PRKG1: variants seen among roughly 807,000 people sequenced by gnomAD.
The protein encoded by PRKG1 is cGMP-dependent protein kinase 1.
A neutral mutation model predicts 88.1 loss-of-function variants in PRKG1; 35 were observed. The ratio of observed to expected loss-of-function variants is 0.40; its 90% confidence interval spans 0.30 to 0.53. The LOEUF (loss-of-function observed/expected upper bound fraction) is 0.53. PRKG1 is among the 20% of genes least tolerant of loss of function. The probability of loss-of-function intolerance (pLI) is 0.59; values close to 1 mark genes in which losing one functional copy is unlikely to be tolerated. For synonymous variants in PRKG1, 303 were observed against 292.5 expected (o/e 1.04, Z -0.37); for missense variants, 540 against 839.8 (o/e 0.64, Z 4.41).
chr10:52,149,466 G>A (rs1028399432), intron 8 of PRKG1, among the ~76,000 whole-genome samples: 5 of 152,036 alleles, frequency 3.3e-5, no homozygotes, highest in Admixed American at 2.0e-4. Flanking sequence ...TTGAGACAGG[G>A]CCTTTCAAAA....
chr10:51,284,827 T>C (rs1840391619), intron 2 of PRKG1, among the ~76,000 whole-genome samples: 2 of 151,148 alleles, frequency 1.3e-5, no homozygotes, highest in African/African-American at 2.4e-5. Flanking sequence ...AATAATGCCT[T>C]ATATTGTGTT....
Position 51,103,144 on chromosome 10 carries a change from A to T in PRKG1, c.311+28243A>T, listed in dbSNP as rs74399468. ...CTAAATATTCAAAAGTAAAAAAAAA[A>T]TAGTTAGAAAATGAGAGTGTTCATC... On this transcript the variant is annotated intron_variant, in intron 1 of 17. Transcript: ENST00000373980. Among the ~76,000 whole-genome samples the T allele has an allele frequency of 5.2e-4, 79 of 151,542 alleles. No homozygotes were observed. In the South Asian group the frequency reaches 6.6e-3, roughly 13 times the overall value.
At chr10:51,602,209 A>G (rs915682313) in intron 3 of PRKG1, among the ~76,000 whole-genome samples, 2 of 152,172 alleles carry the variant, frequency 1.3e-5, no homozygotes, top group African/African-American at 4.8e-5. Context: ...GAACAACCCT[A>G]GGTTTCTACG....
At chr10:51,061,185 A>G (rs1843688765) in intron 1 of PRKG1, among the ~76,000 whole-genome samples, 1 of 152,086 alleles carries the variant, frequency 6.6e-6, no homozygotes. Context: ...ACATGGGTGG[A>G]GAGGCCTCAC....
rs1589244776 is a variant in PRKG1 at position 51,208,133 on chromosome 10, T to G, written c.478+54803T>G. Among the ~76,000 whole-genome samples the G allele has an allele frequency of 2.0e-5, 3 of 152,336 alleles. No individual in the cohort carries two copies. The South Asian group carries it at 6.2e-4, about 32-fold the overall frequency. ...AAAATAGTTTAAATGTATGTTATTG[T>G]TTCTTCCACTAAAGAAGTAGAAGGT... On this transcript the variant is annotated intron_variant, in intron 2 of 17. Transcript: ENST00000373980.
At chr10:51,660,238 T>G (rs1206675047) in intron 3 of PRKG1, among the ~76,000 whole-genome samples, 1 of 151,760 alleles carries the variant, frequency 6.6e-6, no homozygotes, top group Non-Finnish European at 1.5e-5. Context: ...ATAATCATTA[T>G]CAGAATCATG....
At chr10:51,147,112 A>G (rs1214976586) in intron 1 of PRKG1, among the ~76,000 whole-genome samples, 1 of 152,178 alleles carries the variant, frequency 6.6e-6, no homozygotes, top group African/African-American at 2.4e-5. Flanking sequence ...GAGCAGGATT[A>G]TAGTTATTAG....
At chr10:51,108,764 T>C (rs1286999733) in intron 1 of PRKG1, among the ~76,000 whole-genome samples, 1 of 152,166 alleles carries the variant, frequency 6.6e-6, no homozygotes, top group East Asian at 1.9e-4. Flanking sequence ...TACTGGAGCT[T>C]CTAGCTAATG....
At chr10:51,677,306 G>C (rs1289421668) in intron 3 of PRKG1, among the ~76,000 whole-genome samples, 1 of 152,030 alleles carries the variant, frequency 6.6e-6, no homozygotes, top group African/African-American at 2.4e-5. Flanking sequence ...TATTGTTATG[G>C]ACACTTTTGT....
At chr10:51,906,700 A>G (rs1488954792) in intron 4 of PRKG1, among the ~76,000 whole-genome samples, 1 of 152,192 alleles carries the variant, frequency 6.6e-6, no homozygotes, top group Non-Finnish European at 1.5e-5. Flanking sequence ...ATCAGACATA[A>G]AAAGATGCCA....
chr10:51,400,193 A>G (rs1837698611), intron 2 of PRKG1, among the ~76,000 whole-genome samples: 1 of 152,220 alleles, frequency 6.6e-6, no homozygotes. Context: ...CAGACAACGT[A>G]TTTTCTCTTA....
At chr10:51,304,259 C>T (rs566446594) in intron 2 of PRKG1, among the ~76,000 whole-genome samples, 87 of 151,780 alleles carry the variant, frequency 5.7e-4, no homozygotes, top group African/African-American at 1.8e-3. Flanking sequence ...AGAAAAGATG[C>T]GTAGAGATAC....
intron 3 of PRKG1, among the ~76,000 whole-genome samples, chr10:51,525,327 C>T (rs1377875215): frequency 6.6e-6 from 1 of 152,128 alleles, no homozygotes; most frequent in Non-Finnish European, 1.5e-5. Context: ...AGAACAAGAA[C>T]GTGTTTATTT....
intron 7 of PRKG1, among the ~76,000 whole-genome samples, chr10:52,119,075 A>G (rs958286415): frequency 1.8e-4 from 28 of 152,124 alleles, no homozygotes; most frequent in South Asian, 4.1e-4. Context: ...TCACCTATAT[A>G]AAGTATTATT....
chr10:52,295,799 A>G lies in PRKG1; in HGVS notation c.*1899A>G, dbSNP rs146643393. ...CTACCTTAGAATATGGTATCTTATG[A>G]AAATATAATATTCTTAAAATTTTGG... On this transcript the variant is annotated 3_prime_UTR_variant, in exon 18 of 18. Transcript: ENST00000373980. 2.0e-5 allele frequency: 3 copies of G among 152,016 alleles called. No individual in the cohort carries two copies. The highest frequency in any genetic ancestry group is 2.0e-4 in the Admixed American group (3 of 15,244). 9.4% of individuals were successfully genotyped at this position (152,016 alleles called of 1,614,324 possible).
chr10:51,557,972 A>C (rs1317216224), intron 3 of PRKG1, among the ~76,000 whole-genome samples: 3 of 152,088 alleles, frequency 2.0e-5, no homozygotes, highest in Admixed American at 1.3e-4. Flanking sequence ...TTCAATTTCC[A>C]ATCAAGGTTT....
At chr10:51,550,138 A>G (rs10823172) in intron 3 of PRKG1, among the ~76,000 whole-genome samples, 122,972 of 151,964 alleles carry the variant, frequency 0.81, 50,366 homozygotes, top group East Asian at 0.98. Flanking sequence ...TAGGAACTAC[A>G]GGAACCTAAA....
intron 2 of PRKG1, among the ~76,000 whole-genome samples, chr10:51,434,431 T>C (rs1002407872): frequency 1.3e-5 from 2 of 152,072 alleles, no homozygotes; most frequent in Non-Finnish European, 2.9e-5. Flanking sequence ...TGGAAATTGT[T>C]CCAGGTTAAG....
intron 7 of PRKG1, among the ~76,000 whole-genome samples, chr10:52,069,489 C>T (rs755452927): frequency 9.2e-5 from 14 of 152,102 alleles, no homozygotes; most frequent in Non-Finnish European, 1.9e-4. Context: ...GAGATCACAC[C>T]ACTCTCCTCC....
Sources: gnomAD v4.1 joint callset for allele counts (sites outside exome capture counted in the v4.1 genomes callset) on GRCh38, gnomAD v4.1.1 for gene constraint, MANE v1.5 for transcripts, NCBI Gene and HGNC (gene_info 2026-07-23, HGNC 2026-07-21) for gene names.